Variants in CMIP observed in about 807,000 individuals in gnomAD.
CMIP encodes C-Maf-inducing protein.
In CMIP, 13 loss-of-function variants were observed where a neutral mutation model predicts 97.3. The observed-to-expected ratio is 0.13, with a 90% CI of 0.09 to 0.21. The LOEUF is 0.21. Among genes scored for constraint, CMIP ranks in the 10% least tolerant of loss-of-function variants. The probability of loss-of-function intolerance (pLI) is 1.00; values close to 1 mark genes in which losing one functional copy is unlikely to be tolerated. For missense variants in CMIP, 847 were observed against 1,024.9 expected (o/e 0.83, Z 2.37); for synonymous variants, 538 against 436.3 (o/e 1.23, Z -2.91).
chr16:81,630,102 G>T (rs1267401376), intron 3 of CMIP: 1 of 152,282 alleles, frequency 6.6e-6, no homozygotes, highest in East Asian at 1.9e-4. Flanking sequence ...CCCTGGACCA[G>T]TTGCTTTCGT....
chr16:81,533,896 T>A (rs933777903), intron 1 of CMIP: 1 of 152,290 alleles, frequency 6.6e-6, no homozygotes, highest in Non-Finnish European at 1.5e-5. Flanking sequence ...GAACCTCTCC[T>A]GCCCTTTCCT....
intron 1 of CMIP, among the ~76,000 whole-genome samples, chr16:81,598,717 A>G (rs921560218): frequency 6.6e-6 from 1 of 152,210 alleles, no homozygotes; most frequent in African/African-American, 2.4e-5. Flanking sequence ...CTGTAATCCC[A>G]GCACTTTGAG....
At chr16:81,449,564 A>G (rs899270016) in intron 1 of CMIP, among the ~76,000 whole-genome samples, 3 of 152,022 alleles carry the variant, frequency 2.0e-5, no homozygotes, top group African/African-American at 7.3e-5. Context: ...ACATGCACGC[A>G]TGTTAATTGC....
chr16:81,448,148 G>T (rs1377980937), intron 1 of CMIP, among the ~76,000 whole-genome samples: 1 of 152,186 alleles, frequency 6.6e-6, no homozygotes, highest in Admixed American at 6.5e-5. Flanking sequence ...TTCCAAGTAT[G>T]TTTCCTATAG....
intron 1 of CMIP, among the ~76,000 whole-genome samples, chr16:81,463,415 A>G (rs941375141): frequency 6.6e-6 from 1 of 152,230 alleles, no homozygotes; most frequent in Non-Finnish European, 1.5e-5. Flanking sequence ...TCTAAAGCCA[A>G]AAAAAGGAGT....
intron 1 of CMIP, among the ~76,000 whole-genome samples, chr16:81,455,205 G>A (rs1044143865): frequency 3.3e-5 from 5 of 152,182 alleles, no homozygotes; most frequent in Admixed American, 2.0e-4. Flanking sequence ...AGGGATCTCC[G>A]AGTCGCCAGG....
intron 1 of CMIP, among the ~76,000 whole-genome samples, chr16:81,496,635 GC>G (rs1342226639): frequency 6.6e-6 from 1 of 152,232 alleles, no homozygotes; most frequent in African/African-American, 2.4e-5. Context: ...TTGTGCACGT[GC>G]TTCCAGGGAT....
chr16:81,560,487 G>A (rs1020509990), intron 1 of CMIP, among the ~76,000 whole-genome samples: 10 of 152,126 alleles, frequency 6.6e-5, no homozygotes, highest in Non-Finnish European at 1.2e-4. Context: ...CAAAGTGCTG[G>A]GATTACAGGC....
At chr16:81,577,646 A>G (rs2091218896) in intron 1 of CMIP, among the ~76,000 whole-genome samples, 1 of 151,270 alleles carries the variant, frequency 6.6e-6, no homozygotes, top group South Asian at 2.1e-4. Flanking sequence ...CATCATCACC[A>G]TCACCTTCAT....
chr16:81,481,386 G>T (rs528865757), intron 1 of CMIP, among the ~76,000 whole-genome samples: 16 of 152,336 alleles, frequency 1.1e-4, no homozygotes, highest in African/African-American at 3.8e-4. Flanking sequence ...GGACAGGGCC[G>T]CTCAGGAAGG....
intron 1 of CMIP, chr16:81,476,453 C>G: frequency 2.3e-6 from 2 of 882,180 alleles, no homozygotes; most frequent in Admixed American, 1.7e-5. Context: ...GCAAACAGCT[C>G]GAAGGAGATG....
chr16:81,638,984 G>T (rs565685353), intron 3 of CMIP, among the ~76,000 whole-genome samples: 1 of 152,168 alleles, frequency 6.6e-6, no homozygotes, highest in South Asian at 2.1e-4. Context: ...AGCCCCCGCC[G>T]GGATTAGGAC....
chr16:81,557,336 G>C (rs1197795703), intron 1 of CMIP, among the ~76,000 whole-genome samples: 1 of 133,660 alleles, frequency 7.5e-6, no homozygotes, highest in Middle Eastern at 3.4e-3. Flanking sequence ...TACTGATGTT[G>C]GTTGAATTTA....
At position 81,678,327 on chromosome 16, in the gene CMIP, T is replaced by G; in HGVS notation, c.1087T>G (p.Cys363Gly). The G allele has an allele frequency of 6.2e-7, 1 of 1,610,586 alleles. No individual in the cohort carries two copies. The highest frequency in any genetic ancestry group is 8.5e-7 in the Non-Finnish European group (1 of 1,178,008). The change falls in exon 10 of 21, where the codon TGC becomes GGC. Residue 363 changes from cysteine to glycine, a missense_variant. Physicochemically the swap from Cys to Gly is radical, Grantham distance 159. Around this residue, in one of 4 missense-constraint regions of CMIP, gnomAD observed 202 missense variants for 168.7 expected, o/e 1.20. Coordinates refer to ENST00000537098, the MANE Select transcript of CMIP (RefSeq NM_198390.3). ...AATCCGGAACGGCTGCCAGCAGCCGTGCGACCGGAAGCCCACTTTACCTCT... is the reference window on the plus strand; with the variant it reads ...AATCCGGAACGGCTGCCAGCAGCCGGGCGACCGGAAGCCCACTTTACCTCT... The part of the protein sequence containing the change: ...KEIRNGCQQP[C>G]DRKPTLPLRL...
intron 15 of CMIP, among the ~76,000 whole-genome samples, 194 bp from the exon 16 acceptor site, chr16:81,701,466 G>A (rs866233232): frequency 6.6e-6 from 1 of 152,228 alleles, no homozygotes; most frequent in South Asian, 2.1e-4. Context: ...GAGAACCTCA[G>A]TGCGTGGTCA....
intron 1 of CMIP, among the ~76,000 whole-genome samples, chr16:81,596,147 G>C (rs555372192): frequency 1.3e-5 from 2 of 152,264 alleles, no homozygotes; most frequent in East Asian, 3.9e-4. Flanking sequence ...GAGATACCAA[G>C]CGACTTGCCT....
chr16:81,528,251 G>C (rs552126705), intron 1 of CMIP, among the ~76,000 whole-genome samples: 2 of 152,194 alleles, frequency 1.3e-5, no homozygotes, highest in South Asian at 4.2e-4. Context: ...GGTTGAAATT[G>C]GCGCTTGTCT....
In CMIP at chr16:81,674,684, C is replaced by G. The variant is rs575770574; in HGVS notation, c.1034+2614C>G. On this transcript the variant is annotated intron_variant, in intron 9 of 20. Coordinates refer to ENST00000537098, the MANE Select transcript of CMIP (RefSeq NM_198390.3). ...CACTACAGCCTCCACCTCCTGGGTT[C>G]AAGCGATTCTCCTGCCTCAGCTTCC... 1.2e-3 allele frequency among the ~76,000 whole-genome samples: 182 copies of G among 152,192 alleles called. 1 individual carries two copies. Among genetic ancestry groups the G allele is most frequent in the Non-Finnish European group, 2.0e-3 (133 of 68,004 alleles).
At chr16:81,516,963 T>G (rs1360421125) in intron 1 of CMIP, among the ~76,000 whole-genome samples, 1 of 149,514 alleles carries the variant, frequency 6.7e-6, no homozygotes, top group Non-Finnish European at 1.5e-5. Flanking sequence ...GCCTCCAAGG[T>G]CTTCAGTGAA....
Sources: allele counts gnomAD v4.1 joint callset (sites outside exome capture counted in the v4.1 genomes callset), GRCh38; gene constraint gnomAD v4.1.1; regional missense constraint gnomAD v4.1.1; transcripts MANE v1.5; gene names NCBI Gene and HGNC (gene_info 2026-07-23, HGNC 2026-07-21).